SCOC: variants seen among roughly 807,000 people sequenced by gnomAD.
The protein encoded by SCOC is short coiled-coil protein.
A neutral mutation model predicts 9.9 loss-of-function variants in SCOC; 7 were observed. That is an observed-to-expected ratio of 0.71 (90% CI 0.40 to 1.33). The LOEUF is 1.33. SCOC is among the 40% of genes most tolerant of loss of function. The pLI is 0.01. For missense variants in SCOC, 66 were observed against 89.7 expected, an observed-to-expected ratio of 0.74 and a Z score of 1.07; for synonymous variants, 19 against 28.2, an observed-to-expected ratio of 0.67 and a Z score of 1.03.
intron 1 of SCOC, among the ~76,000 whole-genome samples, chr4:140,282,340 C>T (rs1480925046): frequency 2.6e-5 from 4 of 152,144 alleles, no homozygotes; most frequent in African/African-American, 9.7e-5. Context: ...TAATGAACCA[C>T]AGTAATCATG....
intron 2 of SCOC, among the ~76,000 whole-genome samples, chr4:140,345,132 G>T (rs1387937326): frequency 6.6e-6 from 1 of 152,186 alleles, no homozygotes; most frequent in Non-Finnish European, 1.5e-5. Flanking sequence ...CTGCATAGGA[G>T]CTGCTTGCTA....
Position 140,381,273 on chromosome 4 carries a change from G to T in SCOC, c.*169G>T. The T allele has an allele frequency of 3.4e-6, 2 of 580,548 alleles. No homozygotes were observed. The highest frequency in any genetic ancestry group is 4.7e-4 in the Middle Eastern group (1 of 2,112). The allele number at this position is 580,548 out of a possible 1,614,324, so 36.0% of individuals were successfully genotyped here. On this transcript the variant is annotated 3_prime_UTR_variant, in exon 4 of 4. Transcript: ENST00000608372. ...TAACAGGAGACTTCCATAAGTTTGT[G>T]TATTATGTTAGTCTATGAAAACGTG... is the stretch of plus-strand genomic sequence containing the variant.
chr4:140,373,589 G>A, upstream of SCOC: 5 of 1,551,728 alleles, frequency 3.2e-6, no homozygotes, highest in Non-Finnish European at 4.4e-6. Flanking sequence ...GGCTGGGACG[G>A]GATGGGATTC....
chr4:140,347,974 T>C (rs1465878892), intron 2 of SCOC, among the ~76,000 whole-genome samples: 1 of 152,216 alleles, frequency 6.6e-6, no homozygotes, highest in Non-Finnish European at 1.5e-5. Context: ...CCTCTTGGAC[T>C]AGATTTCATT....
intron 1 of SCOC, among the ~76,000 whole-genome samples, chr4:140,378,420 C>T (rs1468924230): frequency 6.6e-6 from 1 of 151,584 alleles, no homozygotes; most frequent in Non-Finnish European, 1.5e-5. Flanking sequence ...ATTTTATACA[C>T]ATTTTTTCAT....
intron 1 of SCOC, among the ~76,000 whole-genome samples, chr4:140,280,730 TCA>T (rs1238138094): frequency 2.0e-5 from 3 of 152,218 alleles, no homozygotes; most frequent in African/African-American, 7.2e-5. Context: ...ATAAAATTCA[TCA>T]TGAAAACACA....
At chr4:140,291,520 T>C (rs767349614) in intron 1 of SCOC, 2 of 457,250 alleles carry the variant, frequency 4.4e-6, no homozygotes, top group South Asian at 3.1e-5. Flanking sequence ...AAGGTCCAGG[T>C]CTCCTGGGAC....
chr4:140,373,900 C>G (rs568345480), intron 1 of SCOC, 183 bp downstream of exon 1: 67 of 725,334 alleles, frequency 9.2e-5, no homozygotes, highest in Non-Finnish European at 1.3e-4. Context: ...CGGCAGAACC[C>G]TTGCGCGACC....
At chr4:140,339,850 G>A (rs372861745), upstream of SCOC, among the ~76,000 whole-genome samples, 2,922 of 152,294 alleles carry the variant, frequency 0.019, 37 homozygotes, top group Non-Finnish European at 0.029. Context: ...TACACTGTTG[G>A]TGGGACTGCA....
intron 1 of SCOC, among the ~76,000 whole-genome samples, chr4:140,271,685 A>C (rs1730849133): frequency 6.6e-6 from 1 of 152,214 alleles, no homozygotes; most frequent in South Asian, 2.1e-4. Flanking sequence ...ATGTGGACTA[A>C]AAAGAGCATC....
At chr4:140,283,088 G>A (rs1205926356) in intron 1 of SCOC, among the ~76,000 whole-genome samples, 8 of 152,088 alleles carry the variant, frequency 5.3e-5, no homozygotes, top group Non-Finnish European at 1.2e-4. Flanking sequence ...CAAGAAACAG[G>A]TTTATACATT....
intron 1 of SCOC, among the ~76,000 whole-genome samples, chr4:140,290,241 C>A (rs956576339): frequency 6.6e-6 from 1 of 152,256 alleles, no homozygotes; most frequent in African/African-American, 2.4e-5. Flanking sequence ...AGCAGCCATA[C>A]AACAGTGTCA....
At chr4:140,268,373 CATT>C (rs1262610460) in intron 1 of SCOC, among the ~76,000 whole-genome samples, 1 of 152,078 alleles carries the variant, frequency 6.6e-6, no homozygotes, top group Non-Finnish European at 1.5e-5. Context: ...ACAAATGAAT[CATT>C]ATAATTTTTT....
intron 2 of SCOC, among the ~76,000 whole-genome samples, chr4:140,368,497 C>T (rs1727899346): frequency 6.6e-6 from 1 of 152,112 alleles, no homozygotes; most frequent in Non-Finnish European, 1.5e-5. Flanking sequence ...AAAATAAGGA[C>T]TGTAAACCAA....
At position 140,287,737 on chromosome 4, in the gene SCOC, T is replaced by C. The variant is rs554738960; in HGVS notation, c.-19+30327T>C. ...TGCATATCACACACAGGCCACACCA[T>C]ATGTACACCACAAACCACACTCATG... On this transcript the variant is annotated intron_variant, in intron 1 of 4. Transcript: ENST00000394205. Among the ~76,000 whole-genome samples the C allele has an allele frequency of 1.4e-3, 206 of 152,056 alleles. 3 individuals carry two copies. The highest frequency in any genetic ancestry group is 4.9e-3 in the African/African-American group (203 of 41,434).
intron 1 of SCOC, among the ~76,000 whole-genome samples, chr4:140,335,623 A>T (rs999123559): frequency 6.6e-6 from 1 of 152,184 alleles, no homozygotes; most frequent in African/African-American, 2.4e-5. Flanking sequence ...CTCTCCGGGA[A>T]TCTCCTGATT....
chr4:140,317,457 G>A (rs1393755102), intron 1 of SCOC, among the ~76,000 whole-genome samples: 1 of 151,986 alleles, frequency 6.6e-6, no homozygotes, highest in Non-Finnish European at 1.5e-5. Context: ...GATTACCGGT[G>A]CATGCAGCCC....
chr4:140,259,646 C>T (rs1730585290), intron 1 of SCOC, among the ~76,000 whole-genome samples: 2 of 152,164 alleles, frequency 1.3e-5, no homozygotes, highest in Non-Finnish European at 2.9e-5. Context: ...GAGTTCCAGG[C>T]TGCAATGAGC....
chr4:140,334,507 CAG>C (rs1297240065), intron 1 of SCOC, among the ~76,000 whole-genome samples: 1 of 151,934 alleles, frequency 6.6e-6, no homozygotes, highest in African/African-American at 2.4e-5. Flanking sequence ...TCATTTAAAA[CAG>C]AATATAATTA....
Sources: gnomAD v4.1 joint callset for allele counts (sites outside exome capture counted in the v4.1 genomes callset) on GRCh38, gnomAD v4.1.1 for gene constraint, MANE v1.5 for transcripts, NCBI Gene and HGNC (gene_info 2026-07-23, HGNC 2026-07-21) for gene names.